The following NOS1AP variants were observed in gnomAD, a reference collection of about 807,000 sequenced individuals.
The protein encoded by NOS1AP is nitric oxide synthase 1 adaptor protein.
A neutral mutation model predicts 56.2 loss-of-function variants in NOS1AP; 21 were observed. The observed-to-expected ratio is 0.37, with a 90% CI of 0.26 to 0.54. NOS1AP has a LOEUF of 0.54. NOS1AP is among the 20% of genes least tolerant of loss of function. NOS1AP has a pLI of 0.84. For missense variants in NOS1AP, 522 were observed against 657.8 expected (o/e 0.79, Z 2.26); for synonymous variants, 270 against 274.6 (o/e 0.98, Z 0.17).
chr1:162,158,064 G>A (rs1165872588), intron 2 of NOS1AP, among the ~76,000 whole-genome samples: 3 of 152,178 alleles, frequency 2.0e-5, no homozygotes, highest in African/African-American at 7.2e-5. Flanking sequence ...GTTCAGCAGT[G>A]TTAAGTATAT....
In NOS1AP at chr1:162,368,059, G is replaced by A. The variant is rs1029760504; in HGVS notation, c.*592G>A. On this transcript the variant is annotated 3_prime_UTR_variant, in exon 10 of 10. Transcript: ENST00000361897. Reference sequence around the variant, plus strand: ...TAGGGTGAGCATGGAATTGGAATGTGTCACAGTGGATAAGCTTTTAGAGGA... The same window carrying A: ...TAGGGTGAGCATGGAATTGGAATGTATCACAGTGGATAAGCTTTTAGAGGA... 2 of 153,282 alleles carry A rather than the reference G, an allele frequency of 1.3e-5. No homozygotes were observed. The highest frequency in any genetic ancestry group is 3.9e-4 in the East Asian group (2 of 5,188). 9.5% of individuals were successfully genotyped at this position (153,282 alleles called of 1,614,324 possible).
intron 2 of NOS1AP, among the ~76,000 whole-genome samples, chr1:162,227,113 A>T (rs1470704207): frequency 6.6e-6 from 1 of 152,220 alleles, no homozygotes; most frequent in East Asian, 1.9e-4. Context: ...AGGCTAAAAA[A>T]ATTATCACCC....
At chr1:162,160,803 C>A (rs1175381632) in intron 2 of NOS1AP, among the ~76,000 whole-genome samples, 1 of 152,198 alleles carries the variant, frequency 6.6e-6, no homozygotes, top group African/African-American at 2.4e-5. Flanking sequence ...TATTAATTTC[C>A]TATGCTGCTG....
At chr1:162,306,823 G>A (rs1655846299) in intron 4 of NOS1AP, among the ~76,000 whole-genome samples, 1 of 152,108 alleles carries the variant, frequency 6.6e-6, no homozygotes, top group Admixed American at 6.6e-5. Context: ...TGTAATTCCA[G>A]CTACTCAGGA....
chr1:162,105,298 G>A (rs1647452240), intron 1 of NOS1AP, among the ~76,000 whole-genome samples: 1 of 152,174 alleles, frequency 6.6e-6, no homozygotes, highest in South Asian at 2.1e-4. Context: ...GTCCTAGGAG[G>A]GCATTGACCT....
intron 1 of NOS1AP, among the ~76,000 whole-genome samples, chr1:162,111,155 G>A (rs1482536652): frequency 6.6e-6 from 1 of 152,252 alleles, no homozygotes; most frequent in Non-Finnish European, 1.5e-5. Context: ...AGAGTGTCTG[G>A]AGTATAAGAC....
chr1:162,077,946 C>G (rs1170672901), intron 1 of NOS1AP, among the ~76,000 whole-genome samples: 1 of 152,176 alleles, frequency 6.6e-6, no homozygotes, highest in Admixed American at 6.5e-5. Context: ...TGAAATTGCT[C>G]TGCTGCCCCC....
rs539157634 is a variant in NOS1AP, at chr1:162,203,304, A to G, written c.177+48828A>G. Among the ~76,000 whole-genome samples, 11 of 152,296 alleles carry G rather than the reference A, an allele frequency of 7.2e-5. No homozygotes were observed. In the East Asian group the frequency reaches 2.1e-3, roughly 29 times the overall value. On this transcript the variant is annotated intron_variant, in intron 2 of 9. Coordinates refer to ENST00000361897, the MANE Select transcript of NOS1AP (RefSeq NM_014697.3). Reference sequence around the variant, plus strand: ...TTCCTCTATTCAGGTGATGTAGTGCAGTGAGCCTTGGATAGGAGTTAAAGG... The same window carrying G: ...TTCCTCTATTCAGGTGATGTAGTGCGGTGAGCCTTGGATAGGAGTTAAAGG...
chr1:162,335,451 T>C (rs898024241), intron 5 of NOS1AP, among the ~76,000 whole-genome samples: 2 of 152,256 alleles, frequency 1.3e-5, no homozygotes, highest in Non-Finnish European at 2.9e-5. Flanking sequence ...GCCCTTCTGC[T>C]TAGCCTCCAA....
At chr1:162,286,322 A>C (rs1655088111) in intron 2 of NOS1AP, among the ~76,000 whole-genome samples, 1 of 152,188 alleles carries the variant, frequency 6.6e-6, no homozygotes, top group South Asian at 2.1e-4. Flanking sequence ...TTGAGTATAA[A>C]AGGTCCCGGA....
chr1:162,129,789 G>A (rs369826700), intron 1 of NOS1AP, among the ~76,000 whole-genome samples: 10 of 152,154 alleles, frequency 6.6e-5, no homozygotes, highest in Non-Finnish European at 1.3e-4. Context: ...AGGACATGCC[G>A]TCTCCCTCTT....
chr1:162,149,938 G>A (rs1317459957), intron 1 of NOS1AP, among the ~76,000 whole-genome samples: 1 of 152,094 alleles, frequency 6.6e-6, no homozygotes, highest in African/African-American at 2.4e-5. Flanking sequence ...AGGGTAAATG[G>A]GGTATCCATC....
chr1:162,182,266 C>T (rs6704393), intron 2 of NOS1AP, among the ~76,000 whole-genome samples: 76,066 of 152,002 alleles, frequency 0.5, 20,363 homozygotes, highest in East Asian at 0.77. Flanking sequence ...ACCTTATAAT[C>T]GGTCACAATA....
intron 2 of NOS1AP, among the ~76,000 whole-genome samples, chr1:162,210,419 A>C (rs939810968): frequency 6.6e-6 from 1 of 152,186 alleles, no homozygotes; most frequent in South Asian, 2.1e-4. Context: ...CTATCTCCCC[A>C]TGGCTCTGAA....
At chr1:162,176,816 T>C (rs1233329523) in intron 2 of NOS1AP, among the ~76,000 whole-genome samples, 1 of 152,220 alleles carries the variant, frequency 6.6e-6, no homozygotes, top group Admixed American at 6.5e-5. Flanking sequence ...TTTTTATTGC[T>C]GAACAGTATT....
intron 3 of NOS1AP, among the ~76,000 whole-genome samples, chr1:162,292,784 A>G (rs1655322922): frequency 6.6e-6 from 1 of 152,254 alleles, no homozygotes; most frequent in South Asian, 2.1e-4. Context: ...AGTGCTGGTT[A>G]CTATGGAAAC....
At chr1:162,272,081 G>C (rs1295954988) in intron 2 of NOS1AP, among the ~76,000 whole-genome samples, 1 of 151,956 alleles carries the variant, frequency 6.6e-6, no homozygotes, top group African/African-American at 2.4e-5. Context: ...TGTAACTCCT[G>C]GCCTCAGGCA....
chr1:162,121,931 G>GTCCT (rs1648258226), intron 1 of NOS1AP, among the ~76,000 whole-genome samples: 1 of 152,118 alleles, frequency 6.6e-6, no homozygotes, highest in African/African-American at 2.4e-5. Context: ...TGTAGTTAAG[G>GTCCT]TCCTTTGAAA....
At chr1:162,264,277 C>A (rs1654328644) in intron 2 of NOS1AP, among the ~76,000 whole-genome samples, 1 of 152,062 alleles carries the variant, frequency 6.6e-6, no homozygotes, top group Non-Finnish European at 1.5e-5. Flanking sequence ...CTAATGTCCT[C>A]ATTGTCTTTC....
Sources: allele counts gnomAD v4.1 joint callset (sites outside exome capture counted in the v4.1 genomes callset), GRCh38; gene constraint gnomAD v4.1.1; transcripts MANE v1.5; gene names NCBI Gene and HGNC (gene_info 2026-07-23, HGNC 2026-07-21).